CHD2: variants seen among roughly 807,000 people sequenced by gnomAD.
CHD2 encodes chromodomain helicase DNA binding protein 2, also known as ATP-dependent chromatin remodeler CHD2.
Under a neutral mutation model 243.9 loss-of-function variants are expected in CHD2, and 28 were observed. The observed-to-expected ratio is 0.11, with a 90% confidence interval of 0.09 to 0.16. The LOEUF (loss-of-function observed/expected upper bound fraction) is 0.16, where lower values mean the gene tolerates loss of function less well. Ranked by LOEUF, CHD2 falls within the 10% of genes least tolerant of loss-of-function variation. The probability of loss-of-function intolerance (pLI) is 1.00; values close to 1 mark genes in which losing one functional copy is unlikely to be tolerated. For missense variants in CHD2, 1,386 were observed against 2,209.8 expected (o/e 0.63, Z 7.47); for synonymous variants, 775 against 779.0 (o/e 0.99, Z 0.09).
At chr15:92,916,271 C>T (rs1184721936) in intron 2 of CHD2, among the ~76,000 whole-genome samples, 2 of 152,220 alleles carry the variant, frequency 1.3e-5, no homozygotes, top group Non-Finnish European at 2.9e-5. Context: ...GTCACGGGCA[C>T]GTCCTTAACC....
At chr15:92,979,368 C>CTAATGTCTGTGGT in intron 22 of CHD2, 85 bp downstream of exon 22, 3 of 1,493,658 alleles carry the variant, frequency 2.0e-6, no homozygotes, top group Non-Finnish European at 2.7e-6. Context: ...CTACCACAGA[C>CTAATGTCTGTGGT]ATTAGTCTGT....
chr15:92,933,199 C>T (rs1273480949), intron 5 of CHD2, among the ~76,000 whole-genome samples: 2 of 152,128 alleles, frequency 1.3e-5, no homozygotes, highest in African/African-American at 2.4e-5. Flanking sequence ...ACAACCACAT[C>T]CAGCTGTATT....
At position 92,961,538 on chromosome 15, in the gene CHD2, T is replaced by G. The variant is rs528790757; in HGVS notation, c.2000+4889T>G. On this transcript the variant is annotated intron_variant, in intron 16 of 38. Coordinates refer to ENST00000394196, the MANE Select transcript of CHD2 (RefSeq NM_001271.4). ...CTTCTGTCTCTTGAGTAGCTGGGGC[T>G]GCAGATGTGCACCACAATGCCCAGC... 3.5e-4 allele frequency among the ~76,000 whole-genome samples: 54 copies of G among 152,190 alleles called. 1 individual carries two copies. Among genetic ancestry groups the G allele is most frequent in the African/African-American group, 1.2e-3 (50 of 41,528 alleles).
intron 14 of CHD2, chr15:92,953,954 G>A (rs564371690): frequency 9.9e-4 from 161 of 163,306 alleles, no homozygotes; most frequent in Non-Finnish European, 6.1e-4. Flanking sequence ...ATCATTCTTC[G>A]AATTTCTTAA....
chr15:92,965,704 CA>C (rs2053752888), intron 16 of CHD2, among the ~76,000 whole-genome samples: 1 of 149,692 alleles, frequency 6.7e-6, no homozygotes, highest in African/African-American at 2.5e-5. Flanking sequence ...AATTCATAAA[CA>C]AATAAATGAT....
At chr15:92,957,568 G>T (rs1421835012) in intron 16 of CHD2, among the ~76,000 whole-genome samples, 1 of 151,740 alleles carries the variant, frequency 6.6e-6, no homozygotes, top group East Asian at 1.9e-4. Flanking sequence ...TTCATTGCTG[G>T]TTCCCATTGT....
chr15:92,979,398 AG>A, intron 22 of CHD2, 115 bp downstream of exon 22: 1 of 1,275,720 alleles, frequency 7.8e-7, no homozygotes, highest in East Asian at 2.4e-5. Flanking sequence ...GGAAGATGCC[AG>A]GCCAGAACCA....
chr15:92,994,210 A>G (rs2054158744), intron 28 of CHD2, among the ~76,000 whole-genome samples: 1 of 152,182 alleles, frequency 6.6e-6, no homozygotes, highest in Admixed American at 6.6e-5. Flanking sequence ...TGGGCAAGTT[A>G]TATCCCTTCA....
intron 36 of CHD2, among the ~76,000 whole-genome samples, chr15:93,013,175 G>T (rs1178506291): frequency 6.6e-6 from 1 of 152,238 alleles, no homozygotes; most frequent in African/African-American, 2.4e-5. Flanking sequence ...GCCCAGTGCT[G>T]TGTTGGCCTG....
At chr15:93,014,947 A>G (rs1243437869) in intron 37 of CHD2, 38 bp downstream of exon 37, 1 of 1,557,920 alleles carries the variant, frequency 6.4e-7, no homozygotes, top group Non-Finnish European at 8.8e-7. Context: ...GAGGTGCCAA[A>G]AGATAAAAAA....
intron 35 of CHD2, among the ~76,000 whole-genome samples, chr15:93,011,047 T>TAA (rs2054387412): frequency 3.9e-5 from 6 of 152,204 alleles, no homozygotes; most frequent in Admixed American, 2.0e-4. Context: ...GTTACCAACT[T>TAA]CTTTCTTTAC....
chr15:92,983,877 A>C (rs1330412927), intron 24 of CHD2, among the ~76,000 whole-genome samples: 1 of 152,224 alleles, frequency 6.6e-6, no homozygotes. Flanking sequence ...TAAAGCAACC[A>C]GTTGGCTAGA....
chr15:92,909,939 C>CGTGT (rs57621949), intron 2 of CHD2, among the ~76,000 whole-genome samples: 2,336 of 149,206 alleles, frequency 0.016, 58 homozygotes, highest in African/African-American at 0.048. Flanking sequence ...AAGGGTTTTA[C>CGTGT]GTGTGTGTGT....
rs1860735807 is a variant in CHD2 at position 93,024,643 on chromosome 15, T to A, written c.5425T>A (p.Leu1809Met). 2 of 1,614,032 alleles carry A rather than the reference T, an allele frequency of 1.2e-6. No individual in the cohort carries two copies. The highest frequency in any genetic ancestry group is 1.7e-6 in the Non-Finnish European group (2 of 1,180,010). ...SKSPLDHRSPLERSLEQKNNP... is the reference protein window; with the variant it reads ...SKSPLDHRSPMERSLEQKNNP... ...GTCACCCCTGGATCATAGGTCTCCTTTGGAGAGATCACTAGAACAGAAAAA... is the reference window on the plus strand; with the variant it reads ...GTCACCCCTGGATCATAGGTCTCCTATGGAGAGATCACTAGAACAGAAAAA... Residue 1809 changes from leucine to methionine, a missense_variant, in exon 39 of 39, where the codon TTG becomes ATG. Leu to Met is a conservative substitution (Grantham distance 15). Coordinates refer to ENST00000394196, the MANE Select transcript of CHD2 (RefSeq NM_001271.4).
chr15:93,024,033 C>A (rs1279086020), intron 38 of CHD2, among the ~76,000 whole-genome samples: 4 of 152,044 alleles, frequency 2.6e-5, no homozygotes, highest in African/African-American at 9.7e-5. Flanking sequence ...TAATAACTTA[C>A]AAAATAATTT....
rs1288095285 is a variant in CHD2, at chr15:93,027,912, A to G, written c.*3207A>G. On this transcript the variant is annotated 3_prime_UTR_variant, in exon 39 of 39. Coordinates refer to ENST00000394196, the MANE Select transcript of CHD2 (RefSeq NM_001271.4). The stretch of plus-strand genomic sequence containing the variant: ...CTGATGTAAATAATGTTGTTTATAT[A>G]GTATGTATTAAATTTTCCTACATTG... 2 of 152,674 alleles carry G rather than the reference A, an allele frequency of 1.3e-5. No individual in the cohort carries two copies. The highest frequency in any genetic ancestry group is 4.8e-5 in the African/African-American group (2 of 41,466). The allele number at this position is 152,674 out of a possible 1,614,324, so 9.5% of individuals were successfully genotyped here.
In CHD2 at chr15:92,986,739, G is replaced by A. The variant is rs553991587; in HGVS notation, c.3413+1066G>A. On this transcript the variant is annotated intron_variant, in intron 26 of 38. Coordinates refer to ENST00000394196, the MANE Select transcript of CHD2 (RefSeq NM_001271.4). ...TTTCTGTATAGTTGTGGTTATTTTG[G>A]TAGAGTCAGAATCTTGCTCTCTTGC... Among the ~76,000 whole-genome samples, 101 of 152,060 alleles carry A rather than the reference G, an allele frequency of 6.6e-4. 1 individual carries two copies. Among genetic ancestry groups the A allele is most frequent in the Middle Eastern group, 3.4e-3 (1 of 292 alleles).
At chr15:93,014,167 C>T (rs931758114) in intron 36 of CHD2, among the ~76,000 whole-genome samples, 8 of 151,856 alleles carry the variant, frequency 5.3e-5, no homozygotes, top group Middle Eastern at 3.4e-3. Flanking sequence ...ACAGTAATTC[C>T]CTTGCTGGTT....
At chr15:92,926,989 A>ATGT (rs1338762200) in intron 3 of CHD2, among the ~76,000 whole-genome samples, 1 of 151,900 alleles carries the variant, frequency 6.6e-6, no homozygotes, top group African/African-American at 2.4e-5. Context: ...ATTCAGCTGT[A>ATGT]TATTTTAATG....
Sources: allele counts gnomAD v4.1 joint callset (sites outside exome capture counted in the v4.1 genomes callset), GRCh38; gene constraint gnomAD v4.1.1; transcripts MANE v1.5; gene names NCBI Gene and HGNC (gene_info 2026-07-23, HGNC 2026-07-21).